Variants in CYB5D2 observed in about 807,000 individuals in gnomAD.
CYB5D2 encodes neuferricin.
A neutral mutation model predicts 22.8 loss-of-function variants in CYB5D2; 23 were observed. That is an observed-to-expected ratio of 1.01 (90% CI 0.73 to 1.43). CYB5D2 has a LOEUF of 1.43. Ranked by LOEUF, CYB5D2 falls within the 40% of genes most tolerant of loss-of-function variation. The pLI is 0.00. For missense variants in CYB5D2, 373 were observed against 357.2 expected (o/e 1.04, Z -0.36); for synonymous variants, 170 against 152.2 (o/e 1.12, Z -0.86).
intron 1 of CYB5D2, among the ~76,000 whole-genome samples, chr17:4,147,093 C>G (rs1597973413): frequency 6.6e-6 from 1 of 152,156 alleles, no homozygotes; most frequent in South Asian, 2.1e-4. Context: ...AATAATGCCA[C>G]TATGTACATT....
chr17:4,145,273 C>T (rs561366161), intron 1 of CYB5D2, among the ~76,000 whole-genome samples: 1 of 152,220 alleles, frequency 6.6e-6, no homozygotes, highest in Non-Finnish European at 1.5e-5. Flanking sequence ...ATACAAGCCA[C>T]TTCCCTCTGT....
chr17:4,157,082 A>G lies in CYB5D2; in HGVS notation c.795A>G (p.Ter265=). The G allele has an allele frequency of 6.2e-7, 1 of 1,612,198 alleles. No individual in the cohort carries two copies. Among genetic ancestry groups the G allele is most frequent in the African/African-American group, 1.3e-5 (1 of 74,960 alleles). ...PLAITCSFPL[*] is the part of the protein sequence containing the mutation. Reference sequence around the variant, plus strand: ...CCATCACATGCTCCTTTCCACTCTAAGCCGTAGCCTCTTCTGTTAATAACA... The same window carrying G: ...CCATCACATGCTCCTTTCCACTCTAGGCCGTAGCCTCTTCTGTTAATAACA... Residue 265 remains the stop codon, a stop_retained_variant, in exon 4 of 4, where the codon TAA becomes TAG. Transcript: ENST00000301391. This position sits in a 1 kb window ranked among gnomAD's most constrained non-coding sequence, Gnocchi z 4.4.
chr17:4,143,958 C>G lies in CYB5D2; in HGVS notation c.203C>G (p.Ser68Cys), dbSNP rs764984214. 20 of 1,612,838 alleles carry G rather than the reference C, an allele frequency of 1.2e-5. No homozygotes were observed. The highest frequency in any genetic ancestry group is 1.1e-4 in the East Asian group (5 of 44,872). Residue 68 changes from serine (S) to cysteine (C), a missense_variant, in exon 1 of 4, where the codon TCC becomes TGC. Physicochemically the swap from Ser to Cys is moderately radical, Grantham distance 112. Coordinates refer to ENST00000301391, the MANE Select transcript of CYB5D2 (RefSeq NM_144611.4). ...ALLGRVYDVS[S>C]GRRHYEPGSH... is the part of the protein sequence containing the mutation. Reference sequence around the variant, plus strand: ...CTCGGCCGTGTCTACGATGTGTCCTCCGGCCGGAGGCACTACGAGCCTGGG... The same window carrying G: ...CTCGGCCGTGTCTACGATGTGTCCTGCGGCCGGAGGCACTACGAGCCTGGG...
rs753798682 is a variant in CYB5D2, at chr17:4,156,854, G to A, written c.579-12G>A. 9.9e-6 allele frequency: 16 copies of A among 1,612,338 alleles called. No individual in the cohort carries two copies. The highest frequency in any genetic ancestry group is 2.2e-5 in the South Asian group (2 of 90,982). On this transcript the variant is annotated splice_polypyrimidine_tract_variant and intron_variant, in intron 3 of 3. Transcript: ENST00000301391. ...CTCACATTTAAGAAGTCCTCTTTCC[G>A]TCTATCCTTAGTGGAGGTGTGAGCA... is the stretch of plus-strand genomic sequence containing the variant.
Position 4,143,764 on chromosome 17 carries a change from G to C in CYB5D2, c.9G>C (p.Arg3Ser). 1 of 1,613,556 alleles carries C rather than the reference G, an allele frequency of 6.2e-7. No individual in the cohort carries two copies. Among genetic ancestry groups the C allele is most frequent in the African/African-American group, 1.3e-5 (1 of 75,038 alleles). ...CGGGTGGGCCTATATAGATGTTGAG[G>C]TGCGGAGGCCGTGGGCTTTTGTTGG... MLRCGGRGLLLGL... is the reference protein window; with the variant it reads MLSCGGRGLLLGL... The change falls in exon 1 of 4, where the codon AGG (arginine) becomes AGC (serine). Residue 3 changes from arginine (R) to serine (S), a missense_variant. Physicochemically the swap from Arg to Ser is moderately radical, Grantham distance 110 (BLOSUM62 -1). Coordinates refer to ENST00000301391, the MANE Select transcript of CYB5D2 (RefSeq NM_144611.4).
intron 3 of CYB5D2, among the ~76,000 whole-genome samples, chr17:4,155,310 G>A (rs1458539982): frequency 6.6e-6 from 1 of 152,152 alleles, no homozygotes; most frequent in African/African-American, 2.4e-5. Context: ...GGCTTCAACT[G>A]CTGTCTTAAA....
In CYB5D2 at chr17:4,143,681, G is replaced by T; in HGVS notation, c.-75G>T. ...AGAGCGCGCGCGCCGATGACGTCACGCTCGGCGTCTCGGCCATCTTAGCTG... is the reference window on the plus strand; with the variant it reads ...AGAGCGCGCGCGCCGATGACGTCACTCTCGGCGTCTCGGCCATCTTAGCTG... On this transcript the variant is annotated 5_prime_UTR_variant, in exon 1 of 4. Transcript: ENST00000301391. The T allele has an allele frequency of 6.6e-7, 1 of 1,521,174 alleles. No homozygotes were observed. Among genetic ancestry groups the T allele is most frequent in the Non-Finnish European group, 8.8e-7 (1 of 1,134,108 alleles). 94.2% of individuals were successfully genotyped at this position (1,521,174 alleles called of 1,614,324 possible).
Position 4,157,076 on chromosome 17 carries a change from A to G in CYB5D2, c.789A>G (p.Pro263=). ...CPPLAITCSF[P]L The stretch of plus-strand genomic sequence containing the variant: ...CGCTAGCCATCACATGCTCCTTTCC[A>G]CTCTAAGCCGTAGCCTCTTCTGTTA... The change falls in exon 4 of 4, where the codon CCA becomes CCG. Residue 263 remains proline (P), a synonymous_variant. Coordinates refer to ENST00000301391, the MANE Select transcript of CYB5D2 (RefSeq NM_144611.4). The surrounding 1 kb of genome is among the most constrained non-coding windows in gnomAD (Gnocchi z 4.4). 6.2e-7 allele frequency: 1 copy of G among 1,611,782 alleles called. No individual in the cohort carries two copies. The highest frequency in any genetic ancestry group is 1.1e-5 in the South Asian group (1 of 90,956).
rs775945009 is a variant in CYB5D2 at position 4,150,067 on chromosome 17, G to A, written c.391+36G>A. On this transcript the variant is annotated intron_variant, in intron 2 of 3. Coordinates refer to ENST00000301391, the MANE Select transcript of CYB5D2 (RefSeq NM_144611.4). The stretch of plus-strand genomic sequence containing the variant: ...CATAGGTCATACATTTCATTTGGTT[G>A]TCTGCAGTGTTTTTAGGGGGCTGAG... The A allele has an allele frequency of 5.0e-6, 8 of 1,610,998 alleles. No individual in the cohort carries two copies. In the African/African-American group the frequency reaches 1.1e-4, roughly 22 times the overall value.
At chr17:4,146,130 C>G (rs1160149574) in intron 1 of CYB5D2, among the ~76,000 whole-genome samples, 1 of 152,140 alleles carries the variant, frequency 6.6e-6, no homozygotes, top group East Asian at 1.9e-4. Context: ...TAAACTGGTT[C>G]TTTAGCCCAG....
intron 1 of CYB5D2, among the ~76,000 whole-genome samples, chr17:4,148,423 A>G (rs2059016309): frequency 6.6e-6 from 1 of 151,676 alleles, no homozygotes; most frequent in Non-Finnish European, 1.5e-5. Flanking sequence ...AGGCTGAGGC[A>G]GGAGAATGGC....
At chr17:4,148,372 C>T (rs922516492) in intron 1 of CYB5D2, among the ~76,000 whole-genome samples, 2 of 152,138 alleles carry the variant, frequency 1.3e-5, no homozygotes, top group African/African-American at 4.8e-5. Flanking sequence ...CAAAAATTAG[C>T]TGGACGTGGT....
At chr17:4,147,266 A>G (rs1031697695) in intron 1 of CYB5D2, among the ~76,000 whole-genome samples, 1 of 151,836 alleles carries the variant, frequency 6.6e-6, no homozygotes, top group Non-Finnish European at 1.5e-5. Context: ...GCGAGACTCT[A>G]TCTCAAAAAA....
intron 3 of CYB5D2, among the ~76,000 whole-genome samples, chr17:4,155,990 A>G (rs2059109111): frequency 6.6e-6 from 1 of 152,276 alleles, no homozygotes; most frequent in Admixed American, 6.5e-5. Flanking sequence ...TGCCGAAGGC[A>G]GGGACAAGGT....
Position 4,157,166 on chromosome 17 carries a change from C to A in CYB5D2, c.*84C>A. On this transcript the variant is annotated 3_prime_UTR_variant, in exon 4 of 4. Transcript: ENST00000301391. The surrounding 1 kb of genome is among the most constrained non-coding windows in gnomAD (Gnocchi z 4.4). ...CTTGACACTTGTGTGCCCTGGGATG[C>A]CTCCTGGCGCGAATCAGGAGGGTCT... The A allele has an allele frequency of 1.4e-6, 2 of 1,438,256 alleles. No homozygotes were observed. Among genetic ancestry groups the A allele is most frequent in the Non-Finnish European group, 1.9e-6 (2 of 1,046,840 alleles). 89.1% of individuals were successfully genotyped at this position (1,438,256 alleles called of 1,614,324 possible).
In CYB5D2 at chr17:4,157,341, G is replaced by A; in HGVS notation, c.*259G>A. ...TGACCTACTGGCCATCTTCCTCACA[G>A]CCCTCAGATATCAACGGGCACAAAT... On this transcript the variant is annotated 3_prime_UTR_variant, in exon 4 of 4. Coordinates refer to ENST00000301391, the MANE Select transcript of CYB5D2 (RefSeq NM_144611.4). This position sits in a 1 kb window ranked among gnomAD's most constrained non-coding sequence, Gnocchi z 4.4. 1 of 544,136 alleles carries A rather than the reference G, an allele frequency of 1.8e-6. No individual in the cohort carries two copies. The highest frequency in any genetic ancestry group is 2.1e-5 in the South Asian group (1 of 46,562). 33.7% of individuals were successfully genotyped at this position (544,136 alleles called of 1,614,324 possible). A position where few individuals can be genotyped will look rare whatever the true frequency, so the allele number is the denominator to read the frequency against.
Position 4,143,607 on chromosome 17 carries a change from G to A in CYB5D2, c.-149G>A, listed in dbSNP as rs977660648. On this transcript the variant is annotated 5_prime_UTR_variant, in exon 1 of 4. Coordinates refer to ENST00000301391, the MANE Select transcript of CYB5D2 (RefSeq NM_144611.4). Reference sequence around the variant, plus strand: ...AGTGCCAGGAATACAGATAAAACGAGAGAGACTAAGGGAGGGAGCGCGAGC... The same window carrying A: ...AGTGCCAGGAATACAGATAAAACGAAAGAGACTAAGGGAGGGAGCGCGAGC... 4.4e-6 allele frequency: 5 copies of A among 1,127,804 alleles called. No individual in the cohort carries two copies. Among genetic ancestry groups the A allele is most frequent in the Non-Finnish European group, 5.0e-6 (4 of 800,124 alleles). The allele number at this position is 1,127,804 out of a possible 1,614,324, so 69.9% of individuals were successfully genotyped here. A position where few individuals can be genotyped will look rare whatever the true frequency, so the allele number is the denominator to read the frequency against.
chr17:4,156,960 C>T lies in CYB5D2; in HGVS notation c.673C>T (p.Pro225Ser). ...CTGCGTGTGTGTGAGAACCACCGGC[C>T]CCCCTAGTGGCCAGATGCCGGACAA... is the stretch of plus-strand genomic sequence containing the variant. ...PRCVCVRTTGPPSGQMPDNPP... is the reference protein window; with the variant it reads ...PRCVCVRTTGSPSGQMPDNPP... The change falls in exon 4 of 4, where the codon CCC becomes TCC. Residue 225 changes from proline (P) to serine (S), a missense_variant. By Grantham distance (74) the Pro-to-Ser change is moderately conservative. Coordinates refer to ENST00000301391, the MANE Select transcript of CYB5D2 (RefSeq NM_144611.4). 1 of 1,612,824 alleles carries T rather than the reference C, an allele frequency of 6.2e-7. No homozygotes were observed. The highest frequency in any genetic ancestry group is 8.5e-7 in the Non-Finnish European group (1 of 1,180,026).
At position 4,157,211 on chromosome 17, in the gene CYB5D2, T is replaced by C; in HGVS notation, c.*129T>C. 1 of 1,079,130 alleles carries C rather than the reference T, an allele frequency of 9.3e-7. No homozygotes were observed. Among genetic ancestry groups the C allele is most frequent in the South Asian group, 1.6e-5 (1 of 63,932 alleles). The allele number at this position is 1,079,130 out of a possible 1,614,324, so 66.8% of individuals were successfully genotyped here. On this transcript the variant is annotated 3_prime_UTR_variant, in exon 4 of 4. Transcript: ENST00000301391. The surrounding 1 kb of genome is among the most constrained non-coding windows in gnomAD (Gnocchi z 4.4). Reference sequence around the variant, plus strand: ...GGGTCTGGAAGGACTCTGGCTATATTCTGCAAATGTGGCTCATGCCCCTTA... The same window carrying C: ...GGGTCTGGAAGGACTCTGGCTATATCCTGCAAATGTGGCTCATGCCCCTTA...
Sources: allele counts gnomAD v4.1 joint callset (sites outside exome capture counted in the v4.1 genomes callset), GRCh38; gene constraint gnomAD v4.1.1; non-coding constraint Gnocchi (gnomAD v3.1); transcripts MANE v1.5; gene names NCBI Gene and HGNC (gene_info 2026-07-23, HGNC 2026-07-21).